Variants in CTIF observed in about 807,000 individuals in gnomAD.
CTIF encodes CBP80/20-dependent translation initiation factor.
CTIF carries 21 observed loss-of-function variants against 66.0 expected under a neutral mutation model. The ratio of observed to expected loss-of-function variants is 0.32; its 90% CI spans 0.23 to 0.46. The LOEUF is 0.46. Among genes scored for constraint, CTIF ranks in the 20% least tolerant of loss-of-function variants. The pLI, the probability that CTIF is intolerant of heterozygous loss-of-function variation, is 1.00. For missense variants in CTIF, 739 were observed against 812.7 expected (o/e 0.91, Z 1.10); for synonymous variants, 345 against 326.4 (o/e 1.06, Z -0.62).
intron 7 of CTIF, among the ~76,000 whole-genome samples, chr18:48,724,761 C>A (rs1470190880): frequency 1.3e-5 from 2 of 152,216 alleles, no homozygotes; most frequent in African/African-American, 4.8e-5. Flanking sequence ...ATCCAGCACA[C>A]ACATTCATTC....
At chr18:48,839,920 TC>T (rs1264417595) in intron 10 of CTIF, among the ~76,000 whole-genome samples, 1 of 152,090 alleles carries the variant, frequency 6.6e-6, no homozygotes, top group African/African-American at 2.4e-5. Context: ...TTCTTTCAAA[TC>T]CAATCTTCAG....
intron 3 of CTIF, among the ~76,000 whole-genome samples, chr18:48,648,468 A>AACATACAC (rs2091092564): frequency 6.7e-6 from 1 of 148,468 alleles, no homozygotes; most frequent in Non-Finnish European, 1.5e-5. Flanking sequence ...CTTCGTTCTG[A>AACATACAC]ACACACACAC....
chr18:48,715,695 A>T (rs1405885184), intron 7 of CTIF, among the ~76,000 whole-genome samples: 1 of 152,342 alleles, frequency 6.6e-6, no homozygotes, highest in South Asian at 2.1e-4. Context: ...CATTAAGGCA[A>T]TGAATGGATG....
intron 2 of CTIF, among the ~76,000 whole-genome samples, chr18:48,629,551 T>C (rs963303207): frequency 4.6e-5 from 7 of 151,988 alleles, no homozygotes; most frequent in East Asian, 3.9e-4. Context: ...AAGGACATGA[T>C]ACAGTATAGG....
intron 6 of CTIF, among the ~76,000 whole-genome samples, chr18:48,701,860 C>A (rs1004810599): frequency 6.6e-6 from 1 of 152,158 alleles, no homozygotes; most frequent in Non-Finnish European, 1.5e-5. Context: ...TCCATGACTT[C>A]CTGGATATAA....
At chr18:48,559,377 C>A (rs1278852939) in intron 1 of CTIF, among the ~76,000 whole-genome samples, 15 of 151,962 alleles carry the variant, frequency 9.9e-5, no homozygotes, top group Non-Finnish European at 2.2e-4. Flanking sequence ...TCCTAACAAA[C>A]AAAAGAATAT....
At chr18:48,716,601 G>A (rs2092284408) in intron 7 of CTIF, among the ~76,000 whole-genome samples, 1 of 152,116 alleles carries the variant, frequency 6.6e-6, no homozygotes, top group African/African-American at 2.4e-5. Flanking sequence ...ACAGAGCCAT[G>A]TGGGTGGTGC....
chr18:48,634,747 A>T (rs1327600985), intron 2 of CTIF, among the ~76,000 whole-genome samples: 1 of 152,158 alleles, frequency 6.6e-6, no homozygotes, highest in East Asian at 1.9e-4. Flanking sequence ...TATAGTGGGG[A>T]TGGGCAAGGA....
At chr18:48,569,494 G>T (rs1419829275) in intron 1 of CTIF, among the ~76,000 whole-genome samples, 1 of 151,982 alleles carries the variant, frequency 6.6e-6, no homozygotes, top group Non-Finnish European at 1.5e-5. Flanking sequence ...AAAAACTTGG[G>T]TTTCAAAAAA....
In CTIF at chr18:48,587,714, G is replaced by A. The variant is rs146867537; in HGVS notation, c.-28-31824G>A. ...CTCAGCTCTAAATATCTGCAAGTTC[G>A]AGTTTTAGCTGTATTTTTCTTTTTT... On this transcript the variant is annotated intron_variant, in intron 1 of 11. Transcript: ENST00000256413. Among the ~76,000 whole-genome samples, 249 of 152,260 alleles carry A rather than the reference G, an allele frequency of 1.6e-3. 1 individual carries two copies. Among genetic ancestry groups the A allele is most frequent in the African/African-American group, 5.2e-3 (215 of 41,544 alleles).
chr18:48,648,907 G>T (rs2091103148), intron 3 of CTIF, among the ~76,000 whole-genome samples: 2 of 152,196 alleles, frequency 1.3e-5, no homozygotes, highest in African/African-American at 2.4e-5. Context: ...ATCACCTGAG[G>T]TCAGGAGTTC....
intron 9 of CTIF, among the ~76,000 whole-genome samples, chr18:48,765,966 T>TA (rs397720138): frequency 1.5e-4 from 23 of 148,976 alleles, no homozygotes; most frequent in South Asian, 1.3e-3. Context: ...TTCTTTTTTT[T>TA]ATATACTTTA....
chr18:48,726,363 A>T (rs990984842), intron 7 of CTIF, among the ~76,000 whole-genome samples: 1 of 152,148 alleles, frequency 6.6e-6, no homozygotes, highest in Non-Finnish European at 1.5e-5. Flanking sequence ...AATATTTATT[A>T]TGTCACCCAG....
At chr18:48,674,936 A>C (rs1196910480) in intron 6 of CTIF, among the ~76,000 whole-genome samples, 1 of 152,120 alleles carries the variant, frequency 6.6e-6, no homozygotes, top group Non-Finnish European at 1.5e-5. Context: ...GAGCTAGCCA[A>C]TAGCCAGGTT....
rs112118443 is a variant in CTIF, at chr18:48,615,493, C to T, written c.-28-4045C>T. ...TGGAAAACGAGAGTTCCTGGAGGAG[C>T]TGAAATCCCTGGGAGAGAGTGAAAA... On this transcript the variant is annotated intron_variant, in intron 1 of 11. Transcript: ENST00000256413. Among the ~76,000 whole-genome samples, 911 of 152,306 alleles carry T rather than the reference C, an allele frequency of 6.0e-3. 15 individuals are homozygous for T. Among genetic ancestry groups the T allele is most frequent in the African/African-American group, 0.021 (862 of 41,556 alleles).
At chr18:48,767,269 A>G (rs1361419629) in intron 9 of CTIF, among the ~76,000 whole-genome samples, 1 of 152,208 alleles carries the variant, frequency 6.6e-6, no homozygotes, top group East Asian at 1.9e-4. Flanking sequence ...AAGGGGCTCC[A>G]GTTTCACAGA....
intron 1 of CTIF, among the ~76,000 whole-genome samples, chr18:48,570,999 A>G (rs926672001): frequency 3.3e-5 from 5 of 152,228 alleles, no homozygotes; most frequent in African/African-American, 1.2e-4. Flanking sequence ...AGTGGATTGT[A>G]TACTTTAAGA....
chr18:48,603,764 C>T (rs1286187707), intron 1 of CTIF, among the ~76,000 whole-genome samples: 1 of 151,972 alleles, frequency 6.6e-6, no homozygotes, highest in Non-Finnish European at 1.5e-5. Flanking sequence ...TGAGATGCAT[C>T]CTCATCTTTG....
intron 9 of CTIF, among the ~76,000 whole-genome samples, chr18:48,769,111 C>T (rs1341746775): frequency 2.0e-5 from 3 of 152,182 alleles, no homozygotes; most frequent in African/African-American, 7.2e-5. Context: ...CCCATCTCCT[C>T]CTTGCATCCT....
Sources: gnomAD v4.1 joint callset for allele counts (sites outside exome capture counted in the v4.1 genomes callset) on GRCh38, gnomAD v4.1.1 for gene constraint, MANE v1.5 for transcripts, NCBI Gene and HGNC (gene_info 2026-07-23, HGNC 2026-07-21) for gene names.